The following CREB3L2 variants were observed in gnomAD, a reference collection of about 807,000 sequenced individuals.
CREB3L2 encodes cAMP responsive element binding protein 3 like 2.
Under a neutral mutation model 57.2 loss-of-function variants are expected in CREB3L2, and 23 were observed. The ratio of observed to expected loss-of-function variants is 0.40; its 90% CI spans 0.29 to 0.57. The LOEUF is 0.57. Among genes scored for constraint, CREB3L2 ranks in the 20% least tolerant of loss-of-function variants. The pLI, the probability that CREB3L2 is intolerant of heterozygous loss-of-function variation, is 0.42. For missense variants in CREB3L2, 628 were observed against 634.7 expected (o/e 0.99, Z 0.11); for synonymous variants, 268 against 265.1 (o/e 1.01, Z -0.11).
At chr7:137,887,636 G>A (rs929944663) in intron 8 of CREB3L2, among the ~76,000 whole-genome samples, 2 of 152,076 alleles carry the variant, frequency 1.3e-5, no homozygotes, top group East Asian at 1.9e-4. Context: ...TTGAACCCAG[G>A]AGGCAGAGGT....
chr7:137,950,440 A>T (rs1408916387), intron 1 of CREB3L2, among the ~76,000 whole-genome samples: 1 of 152,214 alleles, frequency 6.6e-6, no homozygotes, highest in Non-Finnish European at 1.5e-5. Flanking sequence ...CACAAATGCT[A>T]ACGCCTCTCA....
At chr7:137,941,843 C>A (rs754746309) in intron 1 of CREB3L2, among the ~76,000 whole-genome samples, 4 of 152,170 alleles carry the variant, frequency 2.6e-5, no homozygotes, top group African/African-American at 9.7e-5. Context: ...GTATTACATG[C>A]CTCGCTAAAA....
At chr7:137,944,591 T>G (rs954841417) in intron 1 of CREB3L2, among the ~76,000 whole-genome samples, 1 of 152,330 alleles carries the variant, frequency 6.6e-6, no homozygotes, top group African/African-American at 2.4e-5. Flanking sequence ...CCCTGAATTG[T>G]GATCCATCAA....
chr7:137,905,733 AG>A lies in CREB3L2; in HGVS notation c.883del (p.Leu295Ter), dbSNP rs1477859350. On this transcript the variant is annotated frameshift_variant, in exon 6 of 12. Transcript: ENST00000330387. LOFTEE classifies it high-confidence loss of function. ...CTTGATCTTCCTCCGAATTTTCTTC[AG>A]GGCCTTCTCCTCTGATTTTGACAGG... is the stretch of plus-strand genomic sequence containing the variant. ...LPLSKSEEKA[L>X]KKIRRKIKNK... is the part of the protein sequence containing the mutation. 6.2e-7 allele frequency: 1 copy of A among 1,614,166 alleles called. No homozygotes were observed. The highest frequency in any genetic ancestry group is 8.5e-7 in the Non-Finnish European group (1 of 1,180,000).
At chr7:137,904,342 C>G (rs1210591565) in intron 6 of CREB3L2, among the ~76,000 whole-genome samples, 1 of 151,574 alleles carries the variant, frequency 6.6e-6, no homozygotes, top group East Asian at 1.9e-4. Flanking sequence ...ACCAGCCTGG[C>G]CAACATGGTG....
chr7:137,892,457 C>G (rs1001757688), intron 8 of CREB3L2, among the ~76,000 whole-genome samples: 1 of 151,958 alleles, frequency 6.6e-6, no homozygotes, highest in Non-Finnish European at 1.5e-5. Flanking sequence ...TCGAGACCAG[C>G]CTGGCCAACA....
At chr7:137,960,064 CT>C (rs1476433377) in intron 1 of CREB3L2, among the ~76,000 whole-genome samples, 15 of 152,156 alleles carry the variant, frequency 9.9e-5, no homozygotes, top group Non-Finnish European at 1.6e-4. Context: ...TTACTAGGTG[CT>C]TTTAACATCT....
chr7:137,920,100 G>T (rs1800239787), intron 2 of CREB3L2, among the ~76,000 whole-genome samples: 1 of 151,772 alleles, frequency 6.6e-6, no homozygotes, highest in Non-Finnish European at 1.5e-5. Context: ...CCCTTATTAT[G>T]TAAATAAGTT....
At chr7:137,929,763 G>A (rs1800571615) in intron 1 of CREB3L2, among the ~76,000 whole-genome samples, 1 of 150,266 alleles carries the variant, frequency 6.7e-6, no homozygotes, top group Non-Finnish European at 1.5e-5. Flanking sequence ...CAGCTACTCG[G>A]GAGGCTGAGG....
intron 8 of CREB3L2, among the ~76,000 whole-genome samples, chr7:137,897,382 T>C (rs765035825): frequency 2.6e-5 from 4 of 152,142 alleles, no homozygotes; most frequent in Non-Finnish European, 5.9e-5. Flanking sequence ...ATTATTATTA[T>C]TATTTGAGAC....
chr7:137,901,901 G>GAA (rs1799769178), intron 7 of CREB3L2, among the ~76,000 whole-genome samples: 1 of 95,324 alleles, frequency 1.0e-5, no homozygotes, highest in Non-Finnish European at 2.3e-5. Flanking sequence ...AAGAAAAATA[G>GAA]AAGGAGCTGG....
intron 2 of CREB3L2, among the ~76,000 whole-genome samples, chr7:137,916,394 T>C (rs1425163290): frequency 1.3e-5 from 2 of 152,100 alleles, no homozygotes; most frequent in South Asian, 2.1e-4. Flanking sequence ...TATTCAAAAA[T>C]AGATAAATAA....
At chr7:137,989,822 T>C (rs1323058693) in intron 1 of CREB3L2, among the ~76,000 whole-genome samples, 6 of 152,236 alleles carry the variant, frequency 3.9e-5, no homozygotes, top group Middle Eastern at 3.4e-3. Flanking sequence ...CACCGTCAAC[T>C]CAGCCTTCCA....
chr7:137,978,169 C>T (rs1416453603), intron 1 of CREB3L2, among the ~76,000 whole-genome samples: 2 of 152,080 alleles, frequency 1.3e-5, no homozygotes, highest in Non-Finnish European at 2.9e-5. Context: ...CCATGGAGCA[C>T]AAGGAGCCCA....
chr7:137,892,409 G>A (rs916340861), intron 8 of CREB3L2, among the ~76,000 whole-genome samples: 2 of 151,282 alleles, frequency 1.3e-5, no homozygotes, highest in Non-Finnish European at 2.9e-5. Flanking sequence ...CCACTACTTT[G>A]GGAGGCTGAG....
intron 1 of CREB3L2, among the ~76,000 whole-genome samples, chr7:137,944,479 C>T (rs769623637): frequency 7.9e-5 from 12 of 152,150 alleles, no homozygotes; most frequent in Non-Finnish European, 1.6e-4. Context: ...CAAGTTTTGC[C>T]TTTGCAAGCA....
chr7:137,938,814 C>G (rs1350801085), intron 1 of CREB3L2, among the ~76,000 whole-genome samples: 1 of 152,128 alleles, frequency 6.6e-6, no homozygotes, highest in Non-Finnish European at 1.5e-5. Context: ...GCATGCCAAT[C>G]CTGAATGGCC....
chr7:137,983,062 C>T (rs1801737236), intron 1 of CREB3L2, among the ~76,000 whole-genome samples: 1 of 152,154 alleles, frequency 6.6e-6, no homozygotes, highest in African/African-American at 2.4e-5. Context: ...TTAAGTCACC[C>T]ATCTGTAGCA....
intron 1 of CREB3L2, among the ~76,000 whole-genome samples, chr7:137,970,099 C>G (rs781611886): frequency 6.6e-6 from 1 of 152,126 alleles, no homozygotes; most frequent in Non-Finnish European, 1.5e-5. Context: ...CACTGGAATA[C>G]CATCTAAAGA....
Sources: gnomAD v4.1 joint callset for allele counts (sites outside exome capture counted in the v4.1 genomes callset) on GRCh38, gnomAD v4.1.1 for gene constraint, MANE v1.5 for transcripts, NCBI Gene and HGNC (gene_info 2026-07-23, HGNC 2026-07-21) for gene names.